SHANK2: variants seen among roughly 807,000 people sequenced by gnomAD.
The protein encoded by SHANK2 is SH3 and multiple ankyrin repeat domains 2.
In SHANK2, 43 loss-of-function variants were observed where a neutral mutation model predicts 133.7. The ratio of observed to expected loss-of-function variants is 0.32; its 90% CI spans 0.25 to 0.41. The LOEUF (loss-of-function observed/expected upper bound fraction) is 0.41. Among genes scored for constraint, SHANK2 ranks in the 10% least tolerant of loss-of-function variants. The pLI is 1.00. For missense variants in SHANK2, 1,994 were observed against 2,235.8 expected (o/e 0.89, Z 2.18); for synonymous variants, 1,017 against 952.8 (o/e 1.07, Z -1.24).
chr11:70,753,549 A>G (rs1946799860), intron 14 of SHANK2, among the ~76,000 whole-genome samples: 1 of 152,224 alleles, frequency 6.6e-6, no homozygotes, highest in Admixed American at 6.5e-5. Context: ...AATGAAGTTC[A>G]AAGGTAGTTC....
intron 1 of SHANK2, among the ~76,000 whole-genome samples, chr11:71,240,334 G>C (rs1352260205): frequency 6.6e-6 from 1 of 152,098 alleles, no homozygotes; most frequent in Non-Finnish European, 1.5e-5. Flanking sequence ...GCCCACACTC[G>C]GGTCTCTCTG....
At chr11:70,482,062 C>T (rs781791918) in intron 25 of SHANK2, among the ~76,000 whole-genome samples, 9 of 152,248 alleles carry the variant, frequency 5.9e-5, no homozygotes, top group Non-Finnish European at 1.3e-4. Flanking sequence ...CCCAAGTGCT[C>T]AGCCTGGTGA....
At chr11:70,731,011 T>C (rs1555032028) in intron 14 of SHANK2, among the ~76,000 whole-genome samples, 1 of 152,124 alleles carries the variant, frequency 6.6e-6, no homozygotes, top group Non-Finnish European at 1.5e-5. Flanking sequence ...TCACTCCATG[T>C]TATGGACTAA....
chr11:70,616,276 T>A (rs1554995911), intron 17 of SHANK2, among the ~76,000 whole-genome samples: 1 of 151,904 alleles, frequency 6.6e-6, no homozygotes, highest in Non-Finnish European at 1.5e-5. Context: ...GAAGTCTCAA[T>A]GAGCAGAAGG....
chr11:71,084,552 C>T (rs1951352053), intron 8 of SHANK2, among the ~76,000 whole-genome samples: 1 of 152,206 alleles, frequency 6.6e-6, no homozygotes, highest in Non-Finnish European at 1.5e-5. Flanking sequence ...GCTGTCCATT[C>T]TCCAGGTGCT....
At chr11:70,776,172 T>C (rs1306262201) in intron 14 of SHANK2, among the ~76,000 whole-genome samples, 1 of 152,234 alleles carries the variant, frequency 6.6e-6, no homozygotes, top group East Asian at 1.9e-4. Context: ...GAGCAGCCCA[T>C]TCCTTCCACC....
intron 21 of SHANK2, 68 bp from the exon 22 acceptor site, chr11:70,492,533 G>T (rs1034492704): frequency 1.9e-6 from 3 of 1,597,854 alleles, no homozygotes; most frequent in Non-Finnish European, 2.6e-6. Context: ...ATAGGAAAGC[G>T]CACAGGTGCA....
rs147762678 is a variant in SHANK2 at position 70,544,505 on chromosome 11, G to T, written c.2062-41574C>A. On this transcript the variant is annotated intron_variant, in intron 17 of 25. Transcript: ENST00000601538. ...ACTGACGGATCTCACTGTGGGCCGT[G>T]CAGTGTGTATGGTTCACCAGGGCCC... is the stretch of plus-strand genomic sequence containing the variant. Among the ~76,000 whole-genome samples, 890 of 152,318 alleles carry T rather than the reference G, an allele frequency of 5.8e-3. 11 individuals are homozygous for T. Among genetic ancestry groups the T allele is most frequent in the African/African-American group, 0.02 (836 of 41,562 alleles).
rs547488215 is a variant in SHANK2, at chr11:70,800,891, G to A, written c.1664-2335C>T. On this transcript the variant is annotated intron_variant, in intron 13 of 25. Transcript: ENST00000601538. ...ATACCCACACTCTCCTTCCTTCACG[G>A]CTGTGAGGTCATTCTGCTGTTTTAT... 5.9e-5 allele frequency among the ~76,000 whole-genome samples: 9 copies of A among 152,330 alleles called. No individual in the cohort carries two copies. The South Asian group carries it at 1.0e-3, about 18-fold the overall frequency.
At chr11:70,854,179 G>C (rs782804278) in intron 11 of SHANK2, among the ~76,000 whole-genome samples, 1 of 152,142 alleles carries the variant, frequency 6.6e-6, no homozygotes, top group Non-Finnish European at 1.5e-5. Flanking sequence ...TTTCTACGAA[G>C]ACCACATATT....
chr11:70,626,099 C>T (rs1554999867), intron 17 of SHANK2, among the ~76,000 whole-genome samples: 1 of 152,192 alleles, frequency 6.6e-6, no homozygotes, highest in Non-Finnish European at 1.5e-5. Flanking sequence ...GTACCCCGCA[C>T]ACACGGTTGC....
At chr11:70,850,850 G>A (rs1163145226) in intron 11 of SHANK2, among the ~76,000 whole-genome samples, 1 of 152,224 alleles carries the variant, frequency 6.6e-6, no homozygotes, top group Non-Finnish European at 1.5e-5. Context: ...ACAAGTACCC[G>A]AGAGTCCTGA....
chr11:70,521,059 C>A (rs557901310), intron 17 of SHANK2, among the ~76,000 whole-genome samples: 1 of 152,340 alleles, frequency 6.6e-6, no homozygotes, highest in South Asian at 2.1e-4. Flanking sequence ...TCTTCAATAC[C>A]TTCCTTGCTT....
chr11:70,868,571 C>T (rs1180016634), intron 11 of SHANK2, among the ~76,000 whole-genome samples: 2 of 152,200 alleles, frequency 1.3e-5, no homozygotes, highest in Non-Finnish European at 2.9e-5. Flanking sequence ...AGTCAAGACA[C>T]AAGCCAAGAA....
intron 3 of SHANK2, among the ~76,000 whole-genome samples, chr11:71,137,630 C>T (rs1196853997): frequency 1.3e-5 from 2 of 152,166 alleles, no homozygotes; most frequent in Non-Finnish European, 2.9e-5. Flanking sequence ...GAGAAGCCCT[C>T]CCGCCACCCA....
chr11:70,768,198 C>T lies in SHANK2; in HGVS notation c.1777+30245G>A, dbSNP rs1947167513. Among the ~76,000 whole-genome samples, 3 of 152,112 alleles carry T rather than the reference C, an allele frequency of 2.0e-5. No homozygotes were observed. The South Asian group carries it at 6.2e-4, about 32-fold the overall frequency. On this transcript the variant is annotated intron_variant, in intron 14 of 25. Transcript: ENST00000601538. Reference sequence around the variant, plus strand: ...CATGCAGTGTAGATGTGAGTTCCCTCCCTGCCTGTCTACTGGGGCAGAGGC... The same window carrying T: ...CATGCAGTGTAGATGTGAGTTCCCTTCCTGCCTGTCTACTGGGGCAGAGGC...
intron 17 of SHANK2, among the ~76,000 whole-genome samples, chr11:70,537,201 G>T (rs1348908974): frequency 2.0e-5 from 3 of 152,146 alleles, no homozygotes; most frequent in Non-Finnish European, 4.4e-5. Context: ...CCAGAATTTA[G>T]GCCTGAGAAG....
chr11:70,559,952 G>C (rs1389755535), intron 17 of SHANK2, among the ~76,000 whole-genome samples: 4 of 152,062 alleles, frequency 2.6e-5, no homozygotes, highest in Non-Finnish European at 4.4e-5. Flanking sequence ...GCTCACTGCA[G>C]CTTCCGCCTC....
At chr11:70,553,686 TCTC>T (rs2059796850) in intron 17 of SHANK2, among the ~76,000 whole-genome samples, 1 of 152,158 alleles carries the variant, frequency 6.6e-6, no homozygotes, top group Non-Finnish European at 1.5e-5. Context: ...GCAAGACGCT[TCTC>T]CTCTCTGGGG....
Sources: gnomAD v4.1 joint callset for allele counts (sites outside exome capture counted in the v4.1 genomes callset) on GRCh38, gnomAD v4.1.1 for gene constraint, MANE v1.5 for transcripts, NCBI Gene and HGNC (gene_info 2026-07-23, HGNC 2026-07-21) for gene names.